The following CSNK2A2 variants were observed in gnomAD, a reference collection of about 807,000 sequenced individuals.
CSNK2A2 encodes the protein casein kinase 2 alpha 2.
A neutral mutation model predicts 54.0 loss-of-function variants in CSNK2A2; 8 were observed. The observed-to-expected ratio is 0.15, with a 90% confidence interval of 0.09 to 0.27. The LOEUF (loss-of-function observed/expected upper bound fraction) is 0.27. Among genes scored for constraint, CSNK2A2 ranks in the 10% least tolerant of loss-of-function variants. The pLI, the probability that CSNK2A2 is intolerant of heterozygous loss-of-function variation, is 1.00. For synonymous variants in CSNK2A2, 141 were observed against 153.9 expected, an observed-to-expected ratio of 0.92 and a Z score of 0.62; for missense variants, 242 against 439.4, an observed-to-expected ratio of 0.55 and a Z score of 4.02.
In CSNK2A2 at chr16:58,186,759, G is replaced by A; in HGVS notation, c.314C>T (p.Pro105Leu). 5 of 1,613,158 alleles carry A rather than the reference G, an allele frequency of 3.1e-6. No homozygotes were observed. The highest frequency in any genetic ancestry group is 4.2e-6 in the Non-Finnish European group (5 of 1,179,412). Residue 105 changes from proline to leucine, a missense_variant, in exon 3 of 12, where the codon CCC (proline) becomes CTC (leucine). By Grantham distance (98) the Pro-to-Leu change is moderately conservative. This residue lies in a region of CSNK2A2 where 69 missense variants were observed against 97.0 expected (regional missense o/e 0.71). Coordinates refer to ENST00000262506, the MANE Select transcript of CSNK2A2 (RefSeq NM_001896.4). ...IIKLIDTVKD[P>L]VSKTPALVFE... The stretch of plus-strand genomic sequence containing the variant: ...CCCCAACCATTTGGCACCTACCACG[G>A]GGTCCTTTACAGTGTCAATCAGCTT...
intron 4 of CSNK2A2, among the ~76,000 whole-genome samples, chr16:58,175,715 A>T (rs937149029): frequency 6.6e-6 from 1 of 152,204 alleles, no homozygotes; most frequent in Non-Finnish European, 1.5e-5. Flanking sequence ...CCAAGAACCA[A>T]ATTTAACATT....
At chr16:58,166,533 C>A in intron 9 of CSNK2A2, 51 bp downstream of exon 9, 1 of 1,306,208 alleles carries the variant, frequency 7.7e-7, no homozygotes, top group Non-Finnish European at 1.1e-6. Flanking sequence ...CTAACCTTTC[C>A]ACTTCTGAAA....
At chr16:58,171,089 A>G (rs1961723626) in intron 5 of CSNK2A2, among the ~76,000 whole-genome samples, 1 of 152,098 alleles carries the variant, frequency 6.6e-6, no homozygotes, top group South Asian at 2.1e-4. Flanking sequence ...AAGAAGCAAT[A>G]AACTAGACTC....
chr16:58,192,794 A>C (rs1240284965), intron 2 of CSNK2A2: 1 of 152,268 alleles, frequency 6.6e-6, no homozygotes, highest in Non-Finnish European at 1.5e-5. Context: ...AGACTTCATG[A>C]CAGGTACACA....
At chr16:58,174,543 T>G in intron 4 of CSNK2A2, 33 bp from the exon 5 acceptor site, 1 of 1,562,750 alleles carries the variant, frequency 6.4e-7, no homozygotes, top group Non-Finnish European at 8.8e-7. Context: ...GAAAGTTAAT[T>G]TAGTCTCACT....
At chr16:58,184,390 C>G (rs944221637) in intron 3 of CSNK2A2, 80 bp from the exon 4 acceptor site, 4 of 961,852 alleles carry the variant, frequency 4.2e-6, no homozygotes. Context: ...TGGCCCATCC[C>G]CAAATCCTAC....
At chr16:58,195,387 T>C (rs780993730) in intron 2 of CSNK2A2, among the ~76,000 whole-genome samples, 2 of 152,228 alleles carry the variant, frequency 1.3e-5, no homozygotes, top group Non-Finnish European at 2.9e-5. Context: ...TTAATCATTT[T>C]TTCTGAAAGA....
At chr16:58,160,025 C>G (rs1961286256) in intron 11 of CSNK2A2, 1 of 152,134 alleles carries the variant, frequency 6.6e-6, no homozygotes, top group South Asian at 2.1e-4. Context: ...CCCATCACAT[C>G]TTTTTCCAGC....
chr16:58,158,598 G>A (rs1265416661), intron 11 of CSNK2A2, among the ~76,000 whole-genome samples: 1 of 152,216 alleles, frequency 6.6e-6, no homozygotes, highest in Admixed American at 6.5e-5. Flanking sequence ...GGTGCTCTGG[G>A]CACCACGTGT....
chr16:58,160,880 C>G (rs1961324410), intron 11 of CSNK2A2: 1 of 152,242 alleles, frequency 6.6e-6, no homozygotes, highest in African/African-American at 2.4e-5. Flanking sequence ...CAAGGGAACA[C>G]ATTTGCTTTA....
At chr16:58,179,909 C>A (rs560608087) in intron 4 of CSNK2A2, among the ~76,000 whole-genome samples, 1 of 151,944 alleles carries the variant, frequency 6.6e-6, no homozygotes, top group East Asian at 1.9e-4. Context: ...GAAACCCCGT[C>A]TGTACTAAAA....
intron 2 of CSNK2A2, among the ~76,000 whole-genome samples, chr16:58,190,264 G>GA (rs1962294247): frequency 6.6e-6 from 1 of 151,980 alleles, no homozygotes; most frequent in Non-Finnish European, 1.5e-5. Flanking sequence ...ACAAAGTGGT[G>GA]AAAAAAAGAA....
intron 3 of CSNK2A2, among the ~76,000 whole-genome samples, chr16:58,185,042 G>C (rs1453874265): frequency 2.6e-5 from 4 of 151,960 alleles, no homozygotes; most frequent in Admixed American, 2.6e-4. Flanking sequence ...ATATCATCTT[G>C]TGTAAATCTA....
chr16:58,189,316 C>T (rs1282549293), intron 2 of CSNK2A2, among the ~76,000 whole-genome samples: 5 of 151,984 alleles, frequency 3.3e-5, no homozygotes, highest in Admixed American at 6.6e-5. Context: ...CAATGCCTTT[C>T]GATATAAGAA....
intron 2 of CSNK2A2, 25 bp downstream of exon 2, chr16:58,196,708 T>C (rs1962463040): frequency 6.7e-7 from 1 of 1,493,548 alleles, no homozygotes; most frequent in Non-Finnish European, 9.3e-7. Flanking sequence ...AGGAAAATGT[T>C]ACATACCACT....
At chr16:58,195,439 G>A (rs575911111) in intron 2 of CSNK2A2, among the ~76,000 whole-genome samples, 1 of 152,252 alleles carries the variant, frequency 6.6e-6, no homozygotes, top group South Asian at 2.1e-4. Flanking sequence ...ACATTAAACA[G>A]GGATTACCTA....
chr16:58,180,136 A>G (rs554816975), intron 4 of CSNK2A2, among the ~76,000 whole-genome samples: 1 of 152,090 alleles, frequency 6.6e-6, no homozygotes, highest in South Asian at 2.1e-4. Context: ...ATTCAACTCA[A>G]GAAATGAAGA....
chr16:58,170,422 G>A (rs1225221028), intron 5 of CSNK2A2, among the ~76,000 whole-genome samples: 6 of 152,060 alleles, frequency 3.9e-5, no homozygotes, highest in Admixed American at 1.3e-4. Context: ...TCCTTGCTGA[G>A]TAGTATTCCA....
intron 5 of CSNK2A2, among the ~76,000 whole-genome samples, chr16:58,170,260 C>A (rs973209147): frequency 2.6e-5 from 4 of 152,014 alleles, no homozygotes; most frequent in Admixed American, 6.6e-5. Flanking sequence ...TCTCCCAACC[C>A]CTCCGTGCCC....
Sources: gnomAD v4.1 joint callset for allele counts (sites outside exome capture counted in the v4.1 genomes callset) on GRCh38, gnomAD v4.1.1 for gene constraint, gnomAD v4.1.1 regional missense constraint, MANE v1.5 for transcripts, NCBI Gene and HGNC (gene_info 2026-07-23, HGNC 2026-07-21) for gene names.